Variants in PDE8B observed in about 807,000 individuals in gnomAD.
PDE8B encodes the protein phosphodiesterase 8B.
PDE8B carries 26 observed loss-of-function variants against 101.3 expected under a neutral mutation model. The observed-to-expected ratio is 0.26, with a 90% confidence interval of 0.19 to 0.36. PDE8B has a LOEUF of 0.36. Among genes scored for constraint, PDE8B ranks in the 10% least tolerant of loss-of-function variants. PDE8B has a pLI of 1.00. For missense variants in PDE8B, 810 were observed against 1,163.1 expected, an observed-to-expected ratio of 0.70 and a Z score of 4.42; for synonymous variants, 424 against 429.3, an observed-to-expected ratio of 0.99 and a Z score of 0.15.
At chr5:77,278,622 A>G (rs1460410538) in intron 1 of PDE8B, among the ~76,000 whole-genome samples, 1 of 152,030 alleles carries the variant, frequency 6.6e-6, no homozygotes, top group Non-Finnish European at 1.5e-5. Context: ...GGCACCTGCC[A>G]CCACGCCCGG....
At chr5:77,315,730 G>A (rs927103316) in intron 2 of PDE8B, among the ~76,000 whole-genome samples, 1 of 152,210 alleles carries the variant, frequency 6.6e-6, no homozygotes, top group African/African-American at 2.4e-5. Flanking sequence ...TTTTGAGTCT[G>A]TGTTGTTAGG....
the PDE8B span, among the ~76,000 whole-genome samples, chr5:77,130,119 GGA>G: frequency 6.6e-6 from 1 of 152,116 alleles, no homozygotes; most frequent in Non-Finnish European, 1.5e-5. Context: ...GCATTTGAAA[GGA>G]TATAATGGCA....
intron 11 of PDE8B, among the ~76,000 whole-genome samples, chr5:77,403,103 G>C (rs1002659526): frequency 6.6e-6 from 1 of 152,134 alleles, no homozygotes; most frequent in Admixed American, 6.5e-5. Context: ...AAGCAAATGC[G>C]CTGAAAATGT....
chr5:77,335,532 GGTGTGTGTGTGTGT>G (rs35776739), intron 5 of PDE8B, among the ~76,000 whole-genome samples: 1 of 145,680 alleles, frequency 6.9e-6, no homozygotes, highest in East Asian at 2.1e-4. Flanking sequence ...GTATATGTGG[GGTGTGTGTGTGTGT>G]GTGTGTGTGT....
At chr5:77,265,492 C>T (rs1196618663) in intron 1 of PDE8B, among the ~76,000 whole-genome samples, 1 of 151,896 alleles carries the variant, frequency 6.6e-6, no homozygotes, top group Non-Finnish European at 1.5e-5. Context: ...TTTTAACTGT[C>T]CTAATCTTAT....
At chr5:77,158,688 C>T in the PDE8B span, among the ~76,000 whole-genome samples, 2 of 152,148 alleles carry the variant, frequency 1.3e-5, no homozygotes, top group East Asian at 1.9e-4. Context: ...CACACATGCA[C>T]GTTCCTAGGT....
At chr5:77,349,599 C>T (rs1210657657) in intron 8 of PDE8B, 40 bp downstream of exon 8, 1 of 1,611,130 alleles carries the variant, frequency 6.2e-7, no homozygotes, top group Non-Finnish European at 8.5e-7. Context: ...AACCCTCTCC[C>T]CAATGCACTT....
At chr5:77,333,657 C>T (rs1316327488) in intron 5 of PDE8B, among the ~76,000 whole-genome samples, 6 of 152,176 alleles carry the variant, frequency 3.9e-5, no homozygotes, top group South Asian at 2.1e-4. Flanking sequence ...CCATCTGAAG[C>T]GATAGCATCT....
intron 10 of PDE8B, among the ~76,000 whole-genome samples, chr5:77,395,035 A>G (rs1333120738): frequency 1.3e-5 from 2 of 152,102 alleles, no homozygotes; most frequent in Admixed American, 1.3e-4. Context: ...ATGTTGGGGG[A>G]AAAGCAGGGG....
At chr5:77,264,455 G>T (rs1314735488) in intron 1 of PDE8B, among the ~76,000 whole-genome samples, 1 of 152,112 alleles carries the variant, frequency 6.6e-6, no homozygotes, top group Non-Finnish European at 1.5e-5. Context: ...ATAATAGTGG[G>T]GACAATTTTC....
chr5:77,212,078 A>G (rs1364914864), intron 1 of PDE8B, among the ~76,000 whole-genome samples: 1 of 152,224 alleles, frequency 6.6e-6, no homozygotes, highest in African/African-American at 2.4e-5. Context: ...TTTCTTAAAG[A>G]CAGAAGAAAA....
At chr5:77,340,599 CAG>C (rs1491382132) in intron 6 of PDE8B, among the ~76,000 whole-genome samples, 1 of 103,058 alleles carries the variant, frequency 9.7e-6, no homozygotes, top group Non-Finnish European at 2.0e-5. Context: ...GGCAGCCTCA[CAG>C]TGTGTGTGTG....
intron 1 of PDE8B, among the ~76,000 whole-genome samples, chr5:77,245,172 T>G (rs964444456): frequency 6.6e-6 from 1 of 152,206 alleles, no homozygotes; most frequent in Non-Finnish European, 1.5e-5. Flanking sequence ...ACTAGAACAT[T>G]GTCATACAGG....
chr5:77,321,724 A>G (rs1775122777), intron 2 of PDE8B, among the ~76,000 whole-genome samples: 1 of 152,190 alleles, frequency 6.6e-6, no homozygotes, highest in South Asian at 2.1e-4. Flanking sequence ...TTTGCTTAGG[A>G]ATTGAATAAT....
At chr5:77,311,973 C>T (rs760803487) in intron 1 of PDE8B, 21 bp from the exon 2 acceptor site, 5 of 1,606,568 alleles carry the variant, frequency 3.1e-6, no homozygotes, top group East Asian at 2.2e-5. Context: ...TGACGCTTCT[C>T]TTGTGCTGTC....
chr5:77,230,676 C>T (rs1195895832), intron 1 of PDE8B, among the ~76,000 whole-genome samples: 1 of 152,174 alleles, frequency 6.6e-6, no homozygotes, highest in Non-Finnish European at 1.5e-5. Context: ...TCTCGAACTT[C>T]TGACCTCAAG....
the PDE8B span, chr5:77,112,967 A>G: frequency 6.6e-6 from 1 of 152,228 alleles, no homozygotes; most frequent in East Asian, 1.9e-4. Context: ...AAAGGATGTG[A>G]CGGACTTCTT....
intron 20 of PDE8B, 143 bp downstream of exon 20, chr5:77,422,131 C>G: frequency 8.1e-6 from 7 of 864,524 alleles, no homozygotes; most frequent in Non-Finnish European, 1.3e-5. Context: ...TTACCCCCAC[C>G]TGGGGTAGGC....
intron 6 of PDE8B, among the ~76,000 whole-genome samples, chr5:77,343,885 T>C (rs1779673591): frequency 1.3e-5 from 2 of 151,350 alleles, no homozygotes; most frequent in African/African-American, 4.8e-5. Flanking sequence ...TTTTTTTTTT[T>C]TTTTTTTACT....
Sources: allele counts gnomAD v4.1 joint callset (sites outside exome capture counted in the v4.1 genomes callset), GRCh38; gene constraint gnomAD v4.1.1; transcripts MANE v1.5; gene names NCBI Gene and HGNC (gene_info 2026-07-23, HGNC 2026-07-21).